The following URGCP variants were observed in gnomAD, a reference collection of about 807,000 sequenced individuals.
The protein encoded by URGCP is up-regulator of cell proliferation.
URGCP carries 13 observed loss-of-function variants against 24.6 expected under a neutral mutation model. The ratio of observed to expected loss-of-function variants is 0.53; its 90% CI spans 0.34 to 0.84. The LOEUF is 0.84. URGCP is among the 40% of genes least tolerant of loss of function. URGCP has a pLI of 0.01. For missense variants in URGCP, 899 were observed against 1,194.3 expected, an observed-to-expected ratio of 0.75 and a Z score of 3.64; for synonymous variants, 444 against 487.2, an observed-to-expected ratio of 0.91 and a Z score of 1.17.
At position 43,877,012 on chromosome 7, in the gene URGCP, A is replaced by G. The variant is rs1378425626; in HGVS notation, c.2451T>C (p.Phe817=). The part of the protein sequence containing the change: ...EKTGHMPNYQ[F]VYQNLHDVSV... ...ATACATCATGAAGGTTCTGGTATACAAACTGGTAGTTGGGCATGTGCCCCG... is the reference window on the plus strand; with the variant it reads ...ATACATCATGAAGGTTCTGGTATACGAACTGGTAGTTGGGCATGTGCCCCG... The change falls in exon 6 of 6, where the codon TTT becomes TTC. Residue 817 remains phenylalanine (F), a synonymous_variant. Coordinates refer to ENST00000453200, the MANE Select transcript of URGCP (RefSeq NM_001077663.3). 6.2e-7 allele frequency: 1 copy of G among 1,614,122 alleles called. No homozygotes were observed. Among genetic ancestry groups the G allele is most frequent in the Non-Finnish European group, 8.5e-7 (1 of 1,180,042 alleles).
At chr7:43,917,332 C>A (rs762950247) in intron 1 of URGCP, among the ~76,000 whole-genome samples, 3 of 152,108 alleles carry the variant, frequency 2.0e-5, no homozygotes. Flanking sequence ...CATGTCTCTC[C>A]GTATAGTTCT....
At chr7:43,900,469 C>CAAAAAAAAAAAAAAAAACAAAAA (rs759728715) in intron 1 of URGCP, among the ~76,000 whole-genome samples, 1 of 114,492 alleles carries the variant, frequency 8.7e-6, no homozygotes, top group Non-Finnish European at 1.8e-5. Context: ...AAAACCAAAA[C>CAAAAAAAAAAAAAAAAACAAAAA]AAAAAAAAAA....
chr7:43,882,413 G>A (rs1020655184), intron 3 of URGCP, among the ~76,000 whole-genome samples: 2 of 152,152 alleles, frequency 1.3e-5, no homozygotes, highest in African/African-American at 4.8e-5. Flanking sequence ...TCATGCCACT[G>A]CACTCCAGCC....
chr7:43,923,068 C>CT (rs2095924390), intron 1 of URGCP, among the ~76,000 whole-genome samples: 1 of 151,970 alleles, frequency 6.6e-6, no homozygotes, highest in Admixed American at 6.6e-5. Flanking sequence ...ATTGCAACCT[C>CT]TGTCTCCCAG....
At chr7:43,920,314 C>T (rs1385488188) in intron 1 of URGCP, among the ~76,000 whole-genome samples, 2 of 152,170 alleles carry the variant, frequency 1.3e-5, no homozygotes, top group Non-Finnish European at 2.9e-5. Flanking sequence ...AATCCCAGCG[C>T]TTTGGGAGGC....
intron 1 of URGCP, among the ~76,000 whole-genome samples, chr7:43,898,718 G>A (rs1016959112): frequency 5.3e-5 from 8 of 150,088 alleles, no homozygotes; most frequent in Admixed American, 4.0e-4. Flanking sequence ...CAGCAGCCTG[G>A]GTGACAGAGC....
At chr7:43,896,152 T>C (rs964326662) in intron 1 of URGCP, among the ~76,000 whole-genome samples, 7 of 152,068 alleles carry the variant, frequency 4.6e-5, no homozygotes, top group African/African-American at 1.4e-4. Flanking sequence ...AGTAGAATTG[T>C]GGTTATTAGA....
intron 1 of URGCP, among the ~76,000 whole-genome samples, chr7:43,920,533 G>A (rs961445392): frequency 6.6e-6 from 1 of 152,114 alleles, no homozygotes; most frequent in Non-Finnish European, 1.5e-5. Flanking sequence ...ATTGCACAAC[G>A]GCCTGGGCAA....
chr7:43,886,007 A>G (rs1009718899), intron 3 of URGCP, among the ~76,000 whole-genome samples: 2 of 152,262 alleles, frequency 1.3e-5, no homozygotes, highest in African/African-American at 4.8e-5. Context: ...CAACTGGCCA[A>G]TAATCCCCAT....
intron 1 of URGCP, chr7:43,920,183 G>A: frequency 1.8e-6 from 1 of 567,778 alleles, no homozygotes; most frequent in Non-Finnish European, 3.2e-6. Flanking sequence ...TGCATTTTCT[G>A]TTAGTCTGCG....
At chr7:43,918,094 C>T (rs183226346) in intron 1 of URGCP, among the ~76,000 whole-genome samples, 92 of 151,634 alleles carry the variant, frequency 6.1e-4, no homozygotes, top group African/African-American at 1.8e-3. Flanking sequence ...GGCAACATGG[C>T]GAAACCCTGT....
intron 5 of URGCP, 51 bp from the exon 6 acceptor site, chr7:43,879,311 G>A (rs1202182588): frequency 2.0e-6 from 3 of 1,536,880 alleles, no homozygotes; most frequent in Non-Finnish European, 1.7e-6. Flanking sequence ...TCTGAGCTAG[G>A]GGCCAGGGAA....
Position 43,877,120 on chromosome 7 carries a change from C to G in URGCP, c.2343G>C (p.Leu781=). ...CTAGACTGATCACGGTGACATTGCT[C>G]AGTCCCATGAGCAGAGTGGCCAAGG... ...EASLATLLMG[L]SNVTVISLAE... The change falls in exon 6 of 6, where the codon CTG becomes CTC. Residue 781 remains leucine, a synonymous_variant. Coordinates refer to ENST00000453200, the MANE Select transcript of URGCP (RefSeq NM_001077663.3). 1.2e-6 allele frequency: 2 copies of G among 1,614,210 alleles called. No homozygotes were observed. The highest frequency in any genetic ancestry group is 1.7e-6 in the Non-Finnish European group (2 of 1,180,034).
At chr7:43,906,447 T>TGGCCGGGTCCG (rs1420787012) in intron 1 of URGCP, 115 bp downstream of exon 1, 2 of 1,038,798 alleles carry the variant, frequency 1.9e-6, no homozygotes, top group Non-Finnish European at 2.3e-6. Context: ...GGGGCGCCCC[T>TGGCCGGGTCCG]GGCCGGGTCC....
intron 1 of URGCP, 30 bp downstream of exon 1, chr7:43,906,532 G>A: frequency 2.5e-6 from 3 of 1,215,190 alleles, no homozygotes; most frequent in Admixed American, 3.8e-5. Context: ...GGCAGCCGCG[G>A]GGGCGCAGGG....
chr7:43,918,700 C>G lies in URGCP; in HGVS notation c.-116+7432G>C, dbSNP rs552229475. ...CAACTCTGGTGCCTGAGGAGCGATA[C>G]CAAGAGAAATCATCACCCACAATTG... On this transcript the variant is annotated intron_variant, in intron 1 of 5. Coordinates refer to the URGCP transcript ENST00000426198. 4.3e-6 allele frequency: 3 copies of G among 693,124 alleles called. No individual in the cohort carries two copies. In the East Asian group the frequency reaches 7.5e-5, roughly 17 times the overall value. 42.9% of individuals were successfully genotyped at this position (693,124 alleles called of 1,614,324 possible). A position where few individuals can be genotyped will look rare whatever the true frequency, so the allele number is the denominator to read the frequency against.
chr7:43,881,354 T>C, intron 5 of URGCP: 1 of 641,524 alleles, frequency 1.6e-6, no homozygotes, highest in Non-Finnish European at 2.8e-6. Flanking sequence ...CAGGAACTTG[T>C]TAAAAAATGA....
intron 1 of URGCP, chr7:43,905,813 C>CA (rs1281574463): frequency 1.3e-5 from 2 of 151,678 alleles, no homozygotes; most frequent in South Asian, 2.1e-4. Context: ...ATTATCAAAA[C>CA]AAAAAACAAA....
chr7:43,911,198 C>T (rs1474312542), upstream of URGCP, among the ~76,000 whole-genome samples: 2 of 151,998 alleles, frequency 1.3e-5, no homozygotes, highest in Admixed American at 6.6e-5. Context: ...GTCAGGAGTT[C>T]GAGACCAGTA....
Sources: gnomAD v4.1 joint callset for allele counts (sites outside exome capture counted in the v4.1 genomes callset) on GRCh38, gnomAD v4.1.1 for gene constraint, MANE v1.5 for transcripts, NCBI Gene and HGNC (gene_info 2026-07-23, HGNC 2026-07-21) for gene names.